CSMD1: variants seen among roughly 807,000 people sequenced by gnomAD.
CSMD1 encodes CUB and sushi domain-containing protein 1.
Under a neutral mutation model 417.5 loss-of-function variants are expected in CSMD1, and 213 were observed. The ratio of observed to expected loss-of-function variants is 0.51; its 90% CI spans 0.46 to 0.57. The LOEUF (loss-of-function observed/expected upper bound fraction) is 0.57, where lower values mean the gene tolerates loss of function less well. CSMD1 is among the 20% of genes least tolerant of loss of function. CSMD1 has a pLI of 0.00. For synonymous variants in CSMD1, 2,862 were observed against 1,736.8 expected, an observed-to-expected ratio of 1.65 and a Z score of -16.11; for missense variants, 6,923 against 4,529.7, an observed-to-expected ratio of 1.53 and a Z score of -15.17.
intron 5 of CSMD1, among the ~76,000 whole-genome samples, chr8:3,962,949 G>C (rs549219294): frequency 3.9e-4 from 60 of 152,112 alleles, no homozygotes; most frequent in African/African-American, 1.4e-3. Flanking sequence ...GTTTCGTTTT[G>C]TTTTTTAGAT....
At chr8:3,024,297 G>C (rs6994050) in intron 51 of CSMD1, among the ~76,000 whole-genome samples, 2 of 138,322 alleles carry the variant, frequency 1.4e-5, no homozygotes, top group African/African-American at 6.1e-5. Flanking sequence ...GGTTTTTTTT[G>C]GGGGGGGAGG....
At chr8:3,405,606 C>T (rs1812298111) in intron 15 of CSMD1, among the ~76,000 whole-genome samples, 1 of 19,000 alleles carries the variant, frequency 5.3e-5, no homozygotes, top group African/African-American at 2.1e-4. Flanking sequence ...TAAGGTGTTG[C>T]TGGAAGAAGG....
intron 3 of CSMD1, among the ~76,000 whole-genome samples, chr8:4,347,164 G>T (rs1413181195): frequency 6.6e-6 from 1 of 152,104 alleles, no homozygotes; most frequent in African/African-American, 2.4e-5. Flanking sequence ...ACTGGGATCG[G>T]TGTTCAAGTT....
intron 1 of CSMD1, among the ~76,000 whole-genome samples, chr8:4,750,932 T>C (rs4875378): frequency 0.55 from 83,379 of 152,030 alleles, 23,613 homozygotes; most frequent in Admixed American, 0.68. Context: ...TTGCCTGGCA[T>C]AATGTTGGTG....
chr8:3,612,849 C>G (rs1801958617), intron 8 of CSMD1, among the ~76,000 whole-genome samples: 1 of 151,976 alleles, frequency 6.6e-6, no homozygotes, highest in Non-Finnish European at 1.5e-5. Context: ...TCACTGATCT[C>G]AGCTTCAACT....
intron 55 of CSMD1, among the ~76,000 whole-genome samples, chr8:2,977,053 A>T (rs12549279): frequency 0.25 from 35,767 of 143,954 alleles, 4,597 homozygotes; most frequent in Non-Finnish European, 0.3. Context: ...AGGTTTTTTT[A>T]AAAAAAAAAA....
rs114652776 is a variant in CSMD1 at position 4,169,378 on chromosome 8, G to C, written c.416-137279C>G. ...GGCGACTGCGTTTTCCACTTCCTCA[G>C]GCCAAAAAACATGAGGCATTGTAAA... is the stretch of plus-strand genomic sequence containing the variant. On this transcript the variant is annotated intron_variant, in intron 3 of 69. Coordinates refer to ENST00000635120, the MANE Select transcript of CSMD1 (RefSeq NM_033225.6). Among the ~76,000 whole-genome samples the C allele has an allele frequency of 3.4e-3, 513 of 152,002 alleles. 7 individuals are homozygous for C. The highest frequency in any genetic ancestry group is 0.012 in the African/African-American group (500 of 41,420).
chr8:4,837,603 G>C (rs1242102240), intron 1 of CSMD1, among the ~76,000 whole-genome samples: 2 of 152,142 alleles, frequency 1.3e-5, no homozygotes, highest in Non-Finnish European at 2.9e-5. Flanking sequence ...ATGGTTACCA[G>C]AGGCTGGGAA....
In CSMD1 at chr8:3,877,479, G is replaced by C. The variant is rs146908271; in HGVS notation, c.818+120424C>G. 4.4e-3 allele frequency among the ~76,000 whole-genome samples: 671 copies of C among 152,200 alleles called. 4 individuals are homozygous for C. Among genetic ancestry groups the C allele is most frequent in the African/African-American group, 0.015 (639 of 41,518 alleles). ...GCAGGCCCTACAGCTCTCTCAATTT[G>C]CTTCTAAGACGAGGGAGGAAATTTA... On this transcript the variant is annotated intron_variant, in intron 5 of 69. Coordinates refer to ENST00000635120, the MANE Select transcript of CSMD1 (RefSeq NM_033225.6).
intron 49 of CSMD1, among the ~76,000 whole-genome samples, chr8:3,075,748 A>G (rs540535092): frequency 2.0e-5 from 3 of 152,006 alleles, no homozygotes; most frequent in Non-Finnish European, 4.4e-5. Flanking sequence ...CACATTAAGT[A>G]AGAAATACAT....
chr8:4,740,880 C>T (rs1187608013), intron 1 of CSMD1, among the ~76,000 whole-genome samples: 1 of 152,172 alleles, frequency 6.6e-6, no homozygotes, highest in Non-Finnish European at 1.5e-5. Context: ...AGACATCATG[C>T]TCCTTTTTTC....
At chr8:3,659,328 C>G (rs1232300477) in intron 7 of CSMD1, among the ~76,000 whole-genome samples, 1 of 152,110 alleles carries the variant, frequency 6.6e-6, no homozygotes, top group Non-Finnish European at 1.5e-5. Context: ...TACAAAGAAA[C>G]AAATTTTCAT....
chr8:3,445,316 T>C (rs569547234), intron 12 of CSMD1, among the ~76,000 whole-genome samples: 1 of 152,266 alleles, frequency 6.6e-6, no homozygotes, highest in Admixed American at 6.5e-5. Context: ...TACTAATATA[T>C]CCTGGGTACC....
intron 1 of CSMD1, among the ~76,000 whole-genome samples, chr8:4,704,480 T>C (rs1807791668): frequency 6.6e-6 from 1 of 152,180 alleles, no homozygotes; most frequent in Non-Finnish European, 1.5e-5. Context: ...TTTCAGAAAT[T>C]TGAATTTTTG....
intron 25 of CSMD1, 108 bp downstream of exon 25, chr8:3,307,587 T>G (rs1025847620): frequency 7.9e-7 from 1 of 1,268,998 alleles, no homozygotes; most frequent in African/African-American, 1.5e-5. Flanking sequence ...TTTTCTTCTT[T>G]AGTTCAGAAA....
chr8:4,810,098 C>G (rs1049559101), intron 1 of CSMD1, among the ~76,000 whole-genome samples: 6 of 152,222 alleles, frequency 3.9e-5, no homozygotes, highest in Middle Eastern at 3.4e-3. Flanking sequence ...ATTTCCTTAG[C>G]CTTTAGAAAC....
intron 51 of CSMD1, among the ~76,000 whole-genome samples, chr8:3,020,634 C>G (rs1809287590): frequency 6.6e-6 from 1 of 152,082 alleles, no homozygotes; most frequent in East Asian, 1.9e-4. Flanking sequence ...CTTGGCCTTC[C>G]CAGAAGCCCC....
chr8:4,195,701 G>A (rs1417602843), intron 3 of CSMD1, among the ~76,000 whole-genome samples: 2 of 152,186 alleles, frequency 1.3e-5, no homozygotes, highest in African/African-American at 4.8e-5. Context: ...CACGCAGGGA[G>A]AAATTGTGGA....
chr8:3,413,423 T>C (rs566961951), intron 12 of CSMD1, among the ~76,000 whole-genome samples: 2 of 152,214 alleles, frequency 1.3e-5, no homozygotes, highest in Non-Finnish European at 2.9e-5. Context: ...TTTATCCTGA[T>C]GCATGGCTAC....
Sources: allele counts gnomAD v4.1 joint callset (sites outside exome capture counted in the v4.1 genomes callset), GRCh38; gene constraint gnomAD v4.1.1; transcripts MANE v1.5; gene names NCBI Gene and HGNC (gene_info 2026-07-23, HGNC 2026-07-21).